Variants in TMEM132C observed in about 807,000 individuals in gnomAD.
The protein encoded by TMEM132C is protein phosphatase 1, regulatory subunit 152.
A neutral mutation model predicts 61.4 loss-of-function variants in TMEM132C; 29 were observed. That is an observed-to-expected ratio of 0.47 (90% CI 0.35 to 0.64). The LOEUF is 0.64. Ranked by LOEUF, TMEM132C falls within the 30% of genes least tolerant of loss-of-function variation. TMEM132C has a pLI of 0.00. For missense variants in TMEM132C, 1,408 were observed against 1,476.9 expected, an observed-to-expected ratio of 0.95 and a Z score of 0.76; for synonymous variants, 656 against 633.1, an observed-to-expected ratio of 1.04 and a Z score of -0.54.
chr12:128,504,381 G>A (rs1266512249), intron 2 of TMEM132C, among the ~76,000 whole-genome samples: 1 of 152,172 alleles, frequency 6.6e-6, no homozygotes, highest in African/African-American at 2.4e-5. Flanking sequence ...CACATTTTAA[G>A]GGGAATGTAT....
chr12:128,460,279 A>G (rs1409239196), intron 2 of TMEM132C, among the ~76,000 whole-genome samples: 1 of 152,198 alleles, frequency 6.6e-6, no homozygotes, highest in East Asian at 1.9e-4. Flanking sequence ...CAGTGTCACC[A>G]GGACTGCCTT....
intron 3 of TMEM132C, among the ~76,000 whole-genome samples, chr12:128,573,043 G>A (rs1324554396): frequency 6.6e-6 from 1 of 152,202 alleles, no homozygotes. Context: ...AGACAGTGTG[G>A]CGATTCCTCA....
chr12:128,663,914 A>C (rs1954423440), intron 4 of TMEM132C, among the ~76,000 whole-genome samples: 1 of 144,784 alleles, frequency 6.9e-6, no homozygotes, highest in East Asian at 2.1e-4. Flanking sequence ...GCACACAGGC[A>C]CACACACCTG....
intron 3 of TMEM132C, among the ~76,000 whole-genome samples, chr12:128,579,077 A>C (rs1875234366): frequency 6.6e-6 from 1 of 152,204 alleles, no homozygotes; most frequent in African/African-American, 2.4e-5. Context: ...AGCACCACAC[A>C]CAAGCGAATG....
chr12:128,577,755 C>CT (rs1273462084), intron 3 of TMEM132C, among the ~76,000 whole-genome samples: 5 of 152,170 alleles, frequency 3.3e-5, no homozygotes, highest in Non-Finnish European at 5.9e-5. Context: ...CCTTTAACTC[C>CT]CCCCAGGGCC....
At chr12:128,355,866 C>A (rs1436057767) in intron 1 of TMEM132C, among the ~76,000 whole-genome samples, 1 of 152,064 alleles carries the variant, frequency 6.6e-6, no homozygotes, top group Non-Finnish European at 1.5e-5. Flanking sequence ...GTGAGGGTGT[C>A]CCTGGGTGCC....
rs534097979 is a variant in TMEM132C at position 128,278,810 on chromosome 12, T to A, written c.85+11323T>A. Among the ~76,000 whole-genome samples, 2 of 151,272 alleles carry A rather than the reference T, an allele frequency of 1.3e-5. 1 individual carries two copies. The highest frequency in any genetic ancestry group is 4.8e-5 in the African/African-American group (2 of 41,242). On this transcript the variant is annotated intron_variant, in intron 1 of 8. Transcript: ENST00000435159. The surrounding 1 kb of genome is among the most constrained non-coding windows in gnomAD (Gnocchi z 4.2). ...TGTTTGGGTGAGATTAACAAATTGG[T>A]GGATTTTGATAAAACAGGTTACTCT... is the stretch of plus-strand genomic sequence containing the variant.
intron 4 of TMEM132C, among the ~76,000 whole-genome samples, chr12:128,666,928 G>A (rs1174281414): frequency 6.6e-6 from 1 of 152,170 alleles, no homozygotes; most frequent in African/African-American, 2.4e-5. Flanking sequence ...AAATTAGCCG[G>A]GCGTGGTGGC....
At chr12:128,587,963 T>C (rs895241821) in intron 3 of TMEM132C, among the ~76,000 whole-genome samples, 12 of 152,144 alleles carry the variant, frequency 7.9e-5, no homozygotes, top group African/African-American at 2.9e-4. Flanking sequence ...GTAATAAAAA[T>C]AACAGTGGCA....
intron 3 of TMEM132C, among the ~76,000 whole-genome samples, chr12:128,591,424 GCCTCCTT>G (rs1033052340): frequency 8.5e-5 from 13 of 152,160 alleles, no homozygotes; most frequent in Non-Finnish European, 1.9e-4. Context: ...GGTCGTCCAT[GCCTCCTT>G]CCTTTGTATG....
intron 2 of TMEM132C, among the ~76,000 whole-genome samples, chr12:128,418,252 C>T (rs1051734924): frequency 2.6e-5 from 4 of 152,280 alleles, no homozygotes; most frequent in Non-Finnish European, 5.9e-5. Flanking sequence ...CGGAATTCAA[C>T]GAATAGGGAA....
Position 128,267,423 on chromosome 12 carries a change from C to T in TMEM132C, c.21C>T (p.Ala7=), listed in dbSNP as rs1870343569. ...GCAGGATGCGCTCCGAGGGTGCGGC[C>T]CCCGGGCCGGCGGCGCCGCTGTGCG... is the stretch of plus-strand genomic sequence containing the variant. MRSEGA[A]PGPAAPLCGA... is the part of the protein sequence containing the mutation. The change falls in exon 1 of 9, where the codon GCC becomes GCT. Residue 7 remains alanine, a synonymous_variant. Transcript: ENST00000435159. 4 of 1,236,430 alleles carry T rather than the reference C, an allele frequency of 3.2e-6. No homozygotes were observed. The African/African-American group carries it at 4.7e-5, about 15-fold the overall frequency. The allele number at this position is 1,236,430 out of a possible 1,614,324, so 76.6% of individuals were successfully genotyped here.
intron 2 of TMEM132C, among the ~76,000 whole-genome samples, chr12:128,522,044 G>A (rs1001861175): frequency 3.3e-5 from 5 of 152,116 alleles, no homozygotes; most frequent in African/African-American, 1.2e-4. Context: ...GTGTGTTGCT[G>A]CTACCGTAAG....
At chr12:128,681,092 C>T (rs1475328228) in intron 5 of TMEM132C, among the ~76,000 whole-genome samples, 1 of 152,112 alleles carries the variant, frequency 6.6e-6, no homozygotes, top group Non-Finnish European at 1.5e-5. Flanking sequence ...CCCACTTTGA[C>T]CCCTCTGCCT....
intron 1 of TMEM132C, among the ~76,000 whole-genome samples, chr12:128,276,141 C>A (rs1870682182): frequency 6.6e-6 from 1 of 152,150 alleles, no homozygotes; most frequent in Non-Finnish European, 1.5e-5. Flanking sequence ...GACATATTCA[C>A]AGGTTCTAAG....
At chr12:128,613,447 A>T (rs1876701846) in intron 3 of TMEM132C, among the ~76,000 whole-genome samples, 2 of 152,198 alleles carry the variant, frequency 1.3e-5, no homozygotes, top group South Asian at 4.1e-4. Flanking sequence ...GTGGTCAAGA[A>T]CCACCTGTGG....
chr12:128,363,540 G>A (rs1264929606), intron 1 of TMEM132C, among the ~76,000 whole-genome samples: 1 of 152,154 alleles, frequency 6.6e-6, no homozygotes, highest in African/African-American at 2.4e-5. Context: ...GCACAGGGGA[G>A]ACGGGGAGAA....
At chr12:128,610,204 G>A (rs1876584679) in intron 3 of TMEM132C, among the ~76,000 whole-genome samples, 1 of 152,240 alleles carries the variant, frequency 6.6e-6, no homozygotes, top group Non-Finnish European at 1.5e-5. Flanking sequence ...CCTGGATCGA[G>A]TGATTCTCTT....
chr12:128,520,386 TGAGC>T (rs2136126915), intron 2 of TMEM132C, among the ~76,000 whole-genome samples: 1 of 152,334 alleles, frequency 6.6e-6, no homozygotes, highest in South Asian at 2.1e-4. Flanking sequence ...TGAATGGATG[TGAGC>T]AAAAGAGATG....
Sources: gnomAD v4.1 joint callset for allele counts (sites outside exome capture counted in the v4.1 genomes callset) on GRCh38, gnomAD v4.1.1 for gene constraint, Gnocchi (gnomAD v3.1) non-coding constraint, MANE v1.5 for transcripts, NCBI Gene and HGNC (gene_info 2026-07-23, HGNC 2026-07-21) for gene names.